Variants in LHX2 observed in about 807,000 individuals in gnomAD.
LHX2 encodes LIM homeobox 2, also known as LIM/homeobox protein Lhx2.
Under a neutral mutation model 33.0 loss-of-function variants are expected in LHX2, and 6 were observed. That is an observed-to-expected ratio of 0.18 (90% CI 0.10 to 0.36). LHX2 has a LOEUF of 0.36. Among genes scored for constraint, LHX2 ranks in the 10% least tolerant of loss-of-function variants. The pLI is 1.00. For synonymous variants in LHX2, 292 were observed against 253.1 expected (o/e 1.15, Z -1.46); for missense variants, 442 against 586.2 (o/e 0.75, Z 2.54).
In LHX2 at chr9:124,014,171, C is replaced by A; in HGVS notation, c.323+8C>A. On this transcript the variant is annotated splice_region_variant and intron_variant, in intron 2 of 4. Transcript: ENST00000373615. This position sits in a 1 kb window ranked among gnomAD's most constrained non-coding sequence, Gnocchi z 4.8. Reference sequence around the variant, plus strand: ...CAAGGAAGACTACTACAGGTAGCCCCCCCACCCAACTGCCCCTCAGGACCC... The same window carrying A: ...CAAGGAAGACTACTACAGGTAGCCCACCCACCCAACTGCCCCTCAGGACCC... 7.1e-7 allele frequency: 1 copy of A among 1,399,544 alleles called. No individual in the cohort carries two copies. The highest frequency in any genetic ancestry group is 9.5e-7 in the Non-Finnish European group (1 of 1,047,486). 86.7% of individuals were successfully genotyped at this position (1,399,544 alleles called of 1,614,324 possible).
chr9:124,013,937 T>C, intron 1 of LHX2, 24 bp from the exon 2 acceptor site: 1 of 1,604,928 alleles, frequency 6.2e-7, no homozygotes, highest in South Asian at 1.1e-5. Context: ...GGCGCTGCTG[T>C]CTTCCGCCTC....
At position 124,014,399 on chromosome 9, in the gene LHX2, A is replaced by C. The variant is rs1281469998; in HGVS notation, c.323+236A>C. Reference sequence around the variant, plus strand: ...GTAGGAGAACCAGAAAAAAAGCAGAAGCTGCCCTCCTGCTCGGAGCTTAGA... The same window carrying C: ...GTAGGAGAACCAGAAAAAAAGCAGACGCTGCCCTCCTGCTCGGAGCTTAGA... On this transcript the variant is annotated intron_variant, in intron 2 of 4. Transcript: ENST00000373615. This position sits in a 1 kb window ranked among gnomAD's most constrained non-coding sequence, Gnocchi z 4.8. Among the ~76,000 whole-genome samples, 2 of 152,020 alleles carry C rather than the reference A, an allele frequency of 1.3e-5. No homozygotes were observed. Among genetic ancestry groups the C allele is most frequent in the African/African-American group, 2.4e-5 (1 of 41,380 alleles).
Position 124,032,710 on chromosome 9 carries a change from A to T in LHX2, c.*3A>T. Reference sequence around the variant, plus strand: ...CGACTCTTACCAACCTTTTCTAATGACTCGCAACCCCTCACCCCACAATTT... The same window carrying T: ...CGACTCTTACCAACCTTTTCTAATGTCTCGCAACCCCTCACCCCACAATTT... On this transcript the variant is annotated 3_prime_UTR_variant, in exon 5 of 5. Coordinates refer to ENST00000373615, the MANE Select transcript of LHX2 (RefSeq NM_004789.4). This position sits in a 1 kb window ranked among gnomAD's most constrained non-coding sequence, Gnocchi z 4.1. 1 of 1,568,266 alleles carries T rather than the reference A, an allele frequency of 6.4e-7. No individual in the cohort carries two copies. Among genetic ancestry groups the T allele is most frequent in the South Asian group, 1.2e-5 (1 of 86,838 alleles).
intron 4 of LHX2, among the ~76,000 whole-genome samples, chr9:124,026,342 C>A (rs924662229): frequency 2.6e-5 from 4 of 151,914 alleles, no homozygotes; most frequent in African/African-American, 9.7e-5. Context: ...CCTGTAATCC[C>A]AGCTACTTGG....
At chr9:124,022,627 G>A (rs1189428880) in intron 4 of LHX2, among the ~76,000 whole-genome samples, 2 of 152,212 alleles carry the variant, frequency 1.3e-5, no homozygotes, top group African/African-American at 4.8e-5. Context: ...CTGGGATTGA[G>A]GGCTGGGAGG....
In LHX2 at chr9:124,012,347, C is replaced by T. The variant is rs1859106810; in HGVS notation, c.-2C>T. The T allele has an allele frequency of 2.7e-6, 4 of 1,501,426 alleles. No individual in the cohort carries two copies. The highest frequency in any genetic ancestry group is 1.8e-6 in the Non-Finnish European group (2 of 1,130,242). The allele number at this position is 1,501,426 out of a possible 1,614,324, so 93.0% of individuals were successfully genotyped here. A position where few individuals can be genotyped will look rare whatever the true frequency, so the allele number is the denominator to read the frequency against. On this transcript the variant is annotated 5_prime_UTR_variant, in exon 1 of 5. Coordinates refer to ENST00000373615, the MANE Select transcript of LHX2 (RefSeq NM_004789.4). The surrounding 1 kb of genome is among the most constrained non-coding windows in gnomAD (Gnocchi z 4.3). ...GCCCCCGGCCCCGCCGGTCCCGCCG[C>T]GATGCTGTTCCACAGTCTGTCGGGC...
intron 1 of LHX2, among the ~76,000 whole-genome samples, chr9:124,013,617 G>A (rs1388362640): frequency 6.6e-6 from 1 of 152,268 alleles, no homozygotes; most frequent in Non-Finnish European, 1.5e-5. Context: ...TGGAGGGCTT[G>A]ACTGGAGTAG....
intron 4 of LHX2, among the ~76,000 whole-genome samples, chr9:124,023,002 G>A (rs1278786020): frequency 6.6e-6 from 1 of 152,234 alleles, no homozygotes; most frequent in Admixed American, 6.5e-5. Context: ...GCTCCTGGTG[G>A]ATGGAGAACG....
At chr9:124,017,409 G>C (rs1038701869) in intron 3 of LHX2, among the ~76,000 whole-genome samples, 1 of 152,082 alleles carries the variant, frequency 6.6e-6, no homozygotes. Context: ...CGGCCTCTCG[G>C]GGCCCAGCCC....
At chr9:124,030,622 C>CT (rs1828692123) in intron 4 of LHX2, among the ~76,000 whole-genome samples, 1 of 94,688 alleles carries the variant, frequency 1.1e-5, no homozygotes, top group African/African-American at 3.6e-5. Context: ...TTTCATTTTT[C>CT]TTTTCTTTTT....
rs1251014436 is a variant in LHX2 at position 124,033,214 on chromosome 9, T to C, written c.*507T>C. The C allele has an allele frequency of 6.6e-6, 1 of 152,080 alleles. No homozygotes were observed. The highest frequency in any genetic ancestry group is 3.2e-3 in the Middle Eastern group (1 of 314). 9.4% of individuals were successfully genotyped at this position (152,080 alleles called of 1,614,324 possible). Reference sequence around the variant, plus strand: ...AATCAAACCCCCTCCAACGGTCGCTTTGTTGTTTTAGAATTTTAAGGTGGA... The same window carrying C: ...AATCAAACCCCCTCCAACGGTCGCTCTGTTGTTTTAGAATTTTAAGGTGGA... On this transcript the variant is annotated 3_prime_UTR_variant, in exon 5 of 5. Transcript: ENST00000373615.
intron 4 of LHX2, 54 bp downstream of exon 4, chr9:124,021,358 A>AC: frequency 6.5e-7 from 1 of 1,534,086 alleles, no homozygotes; most frequent in Non-Finnish European, 8.9e-7. Flanking sequence ...CTGGGGTGGA[A>AC]CCCTGCACCC....
intron 4 of LHX2, among the ~76,000 whole-genome samples, chr9:124,027,965 G>A (rs1828652878): frequency 6.6e-6 from 1 of 152,122 alleles, no homozygotes; most frequent in African/African-American, 2.4e-5. Context: ...TGGCATCGTG[G>A]AGTGGCTGTG....
At position 124,032,533 on chromosome 9, in the gene LHX2, G is replaced by T. The variant is rs3739828; in HGVS notation, c.1047G>T (p.Pro349=). The change falls in exon 5 of 5, where the codon CCG becomes CCT. Residue 349 remains proline (P), a synonymous_variant. Coordinates refer to ENST00000373615, the MANE Select transcript of LHX2 (RefSeq NM_004789.4). The surrounding 1 kb of genome is among the most constrained non-coding windows in gnomAD (Gnocchi z 4.1). ...TGCAGACAGGGACGCCATCGGGCCC[G>T]GCCTCGGAGCTCTCCAACGCCTCGC... ...AALQTGTPSG[P]ASELSNASLS... 9 of 1,613,748 alleles carry T rather than the reference G, an allele frequency of 5.6e-6. No individual in the cohort carries two copies. In the African/African-American group the frequency reaches 1.2e-4, roughly 22 times the overall value.
chr9:124,032,854 G>A lies in LHX2; in HGVS notation c.*147G>A. ...GGAAACAGAGGTAAAAAAAAGAAGTGTGCGCCCGGCTAATGCAGCGGTGTG... is the reference window on the plus strand; with the variant it reads ...GGAAACAGAGGTAAAAAAAAGAAGTATGCGCCCGGCTAATGCAGCGGTGTG... On this transcript the variant is annotated 3_prime_UTR_variant, in exon 5 of 5. Coordinates refer to ENST00000373615, the MANE Select transcript of LHX2 (RefSeq NM_004789.4). The surrounding 1 kb of genome is among the most constrained non-coding windows in gnomAD (Gnocchi z 4.1). The A allele has an allele frequency of 1.1e-6, 1 of 892,954 alleles. No homozygotes were observed. Among genetic ancestry groups the A allele is most frequent in the Non-Finnish European group, 1.6e-6 (1 of 607,452 alleles). The allele number at this position is 892,954 out of a possible 1,614,324, so 55.3% of individuals were successfully genotyped here.
chr9:124,026,078 T>C (rs1828615920), intron 4 of LHX2, among the ~76,000 whole-genome samples: 5 of 152,236 alleles, frequency 3.3e-5, no homozygotes, highest in Admixed American at 1.3e-4. Context: ...AGCTTTCCTC[T>C]GGCCACTCAC....
Position 124,014,026 on chromosome 9 carries a change from C to G in LHX2, c.186C>G (p.Asp62Glu). 1 of 1,613,514 alleles carries G rather than the reference C, an allele frequency of 6.2e-7. No individual in the cohort carries two copies. Among genetic ancestry groups the G allele is most frequent in the Non-Finnish European group, 8.5e-7 (1 of 1,180,040 alleles). ...LCAGCGGKIS[D>E]RYYLLAVDKQ... ...CCGGCTGCGGGGGCAAGATCTCGGA[C>G]CGCTACTACCTGCTGGCGGTGGACA... The change falls in exon 2 of 5, where the codon GAC becomes GAG. Residue 62 changes from aspartate to glutamate, a missense_variant. Around this residue, in one of 5 missense-constraint regions of LHX2, gnomAD observed 72 missense variants for 171.6 expected, o/e 0.42. Coordinates refer to ENST00000373615, the MANE Select transcript of LHX2 (RefSeq NM_004789.4). The surrounding 1 kb of genome is among the most constrained non-coding windows in gnomAD (Gnocchi z 4.8).
intron 3 of LHX2, among the ~76,000 whole-genome samples, chr9:124,019,031 C>T (rs576777324): frequency 3.3e-5 from 5 of 152,196 alleles, no homozygotes; most frequent in African/African-American, 1.2e-4. Context: ...GGCTGCCCCA[C>T]CCCCAGTGGA....
At chr9:124,022,869 G>A (rs1398385630) in intron 4 of LHX2, among the ~76,000 whole-genome samples, 1 of 152,184 alleles carries the variant, frequency 6.6e-6, no homozygotes, top group Admixed American at 6.5e-5. Flanking sequence ...GAGGGGCTGC[G>A]GGAGAGGGAG....
Sources: gnomAD v4.1 joint callset for allele counts (sites outside exome capture counted in the v4.1 genomes callset) on GRCh38, gnomAD v4.1.1 for gene constraint, gnomAD v4.1.1 regional missense constraint, Gnocchi (gnomAD v3.1) non-coding constraint, MANE v1.5 for transcripts, NCBI Gene and HGNC (gene_info 2026-07-23, HGNC 2026-07-21) for gene names.